The following LIMCH1 variants were observed in gnomAD, a reference collection of about 807,000 sequenced individuals.
The protein encoded by LIMCH1 is LIM and calponin homology domains 1.
A neutral mutation model predicts 176.5 loss-of-function variants in LIMCH1; 113 were observed. The observed-to-expected ratio is 0.64, with a 90% CI of 0.55 to 0.75. The LOEUF (loss-of-function observed/expected upper bound fraction) is 0.75. Ranked by LOEUF, LIMCH1 falls within the 30% of genes least tolerant of loss-of-function variation. The pLI, the probability that LIMCH1 is intolerant of heterozygous loss-of-function variation, is 0.00. For missense variants in LIMCH1, 1,674 were observed against 1,814.9 expected (o/e 0.92, Z 1.41); for synonymous variants, 619 against 645.9 (o/e 0.96, Z 0.63).
At chr4:41,639,031 T>G in intron 14 of LIMCH1, 64 bp downstream of exon 14, 1 of 1,200,518 alleles carries the variant, frequency 8.3e-7, no homozygotes, top group Non-Finnish European at 1.2e-6. Context: ...CTTCCAGTAC[T>G]TACCACTAAT....
intron 1 of LIMCH1, chr4:41,551,523 A>T (rs773388074): frequency 6.6e-6 from 1 of 152,216 alleles, no homozygotes; most frequent in Non-Finnish European, 1.5e-5. Context: ...CTCCAAGGAT[A>T]CAAATACGAG....
At chr4:41,577,378 C>T (rs1235964064) in intron 1 of LIMCH1, among the ~76,000 whole-genome samples, 1 of 152,072 alleles carries the variant, frequency 6.6e-6, no homozygotes, top group Non-Finnish European at 1.5e-5. Context: ...TAAAATTATA[C>T]ATCCTAGTGT....
At chr4:41,646,013 T>C (rs1485829645) in intron 15 of LIMCH1, 110 bp from the exon 16 acceptor site, 8 of 1,105,354 alleles carry the variant, frequency 7.2e-6, no homozygotes, top group African/African-American at 3.1e-5. Context: ...TTATAGTGCC[T>C]GGGCCCATAG....
intron 9 of LIMCH1, among the ~76,000 whole-genome samples, chr4:41,630,310 C>T (rs557054358): frequency 6.6e-6 from 1 of 152,184 alleles, no homozygotes; most frequent in Admixed American, 6.5e-5. Context: ...GTGCGTCTCA[C>T]ATCACAGAGC....
chr4:41,412,674 G>A (rs1300021331), intron 1 of LIMCH1, among the ~76,000 whole-genome samples: 1 of 152,134 alleles, frequency 6.6e-6, no homozygotes, highest in African/African-American at 2.4e-5. Context: ...TTATAGGTGG[G>A]GAAATGAGCA....
intron 1 of LIMCH1, among the ~76,000 whole-genome samples, chr4:41,540,836 T>G (rs1435175130): frequency 1.3e-5 from 2 of 152,238 alleles, no homozygotes; most frequent in Non-Finnish European, 2.9e-5. Flanking sequence ...TGAAACAAAC[T>G]GTCAGTCCTT....
intron 2 of LIMCH1, among the ~76,000 whole-genome samples, chr4:41,522,584 C>T (rs2076228668): frequency 6.6e-6 from 1 of 151,918 alleles, no homozygotes; most frequent in African/African-American, 2.4e-5. Context: ...GCAAAAGTAG[C>T]GAGAAAAAGA....
chr4:41,570,729 A>G (rs903820891), intron 1 of LIMCH1, among the ~76,000 whole-genome samples: 2 of 152,184 alleles, frequency 1.3e-5, no homozygotes, highest in Non-Finnish European at 1.5e-5. Context: ...TTAAAGACAG[A>G]AGGATGAATG....
chr4:41,667,185 A>G (rs1409226612), intron 21 of LIMCH1, among the ~76,000 whole-genome samples: 1 of 152,214 alleles, frequency 6.6e-6, no homozygotes, highest in African/African-American at 2.4e-5. Context: ...AGAAAGTTTA[A>G]TATTATGTAT....
chr4:41,663,173 G>GTGTGTGTGTGTGTGTGT (rs1560284669), intron 20 of LIMCH1, among the ~76,000 whole-genome samples, 189 bp downstream of exon 20: 2 of 148,046 alleles, frequency 1.4e-5, no homozygotes, highest in African/African-American at 2.5e-5. Flanking sequence ...GTGTGTGTGT[G>GTGTGTGTGTGTGTGTGT]ATGGAGTTTT....
chr4:41,390,265 A>AGAGC (rs2057063964), intron 1 of LIMCH1, among the ~76,000 whole-genome samples: 1 of 151,274 alleles, frequency 6.6e-6, no homozygotes, highest in South Asian at 2.1e-4. Flanking sequence ...AGAGAGAGAG[A>AGAGC]GAGAGAGAGC....
At chr4:41,640,345 G>T (rs1417261767) in intron 14 of LIMCH1, among the ~76,000 whole-genome samples, 2 of 152,190 alleles carry the variant, frequency 1.3e-5, no homozygotes, top group Non-Finnish European at 2.9e-5. Flanking sequence ...TCAATGCAAG[G>T]CTGCTATACA....
At position 41,632,783 on chromosome 4, in the gene LIMCH1, AG is replaced by A. The variant is rs983896904; in HGVS notation, c.1639del (p.Ala547ProfsTer84). The A allele has an allele frequency of 6.5e-7, 1 of 1,536,182 alleles. No homozygotes were observed. Among genetic ancestry groups the A allele is most frequent in the African/African-American group, 1.4e-5 (1 of 73,052 alleles). ...MNCGRGDYCR[R>X]ASWLAPVPES... ...TTGTGGCCGAGGTGACTATTGCAGA[AG>A]GGCCTCGTGGCTGGCTCCTGTGCCG... On this transcript the variant is annotated frameshift_variant, in exon 11 of 32. Coordinates refer to ENST00000503057, the MANE Select transcript of LIMCH1 (RefSeq NM_001330672.2). LOFTEE classifies it high-confidence loss of function.
intron 1 of LIMCH1, among the ~76,000 whole-genome samples, chr4:41,462,572 G>T (rs2065524220): frequency 6.6e-6 from 1 of 152,172 alleles, no homozygotes; most frequent in South Asian, 2.1e-4. Flanking sequence ...TTAAAAAAAT[G>T]CTTTGAATCA....
intron 31 of LIMCH1, 58 bp downstream of exon 31, chr4:41,692,442 G>A: frequency 9.3e-7 from 1 of 1,078,636 alleles, no homozygotes; most frequent in Non-Finnish European, 1.4e-6. Flanking sequence ...TCTTCCATAG[G>A]ACCCAATTTA....
At position 41,475,929 on chromosome 4, in the gene LIMCH1, C is replaced by A. The variant is rs376302011; in HGVS notation, c.97-18607C>A. On this transcript the variant is annotated intron_variant, in intron 1 of 26. Coordinates refer to the LIMCH1 transcript ENST00000313860. ...GATTTTTAAAAATACAATCAAGGAC[C>A]TTTTAGAACACAGTGAGTGTTTTAA... Among the ~76,000 whole-genome samples, 303 of 152,182 alleles carry A rather than the reference C, an allele frequency of 2.0e-3. 1 individual carries two copies. The Middle Eastern group carries it at 0.024, about 12-fold the overall frequency.
At chr4:41,534,741 C>T (rs1471805366), upstream of LIMCH1, among the ~76,000 whole-genome samples, 5 of 152,030 alleles carry the variant, frequency 3.3e-5, no homozygotes, top group Non-Finnish European at 7.4e-5. Flanking sequence ...CCCTCCCCCT[C>T]CAAATTATAG....
At chr4:41,486,148 C>G (rs984315842) in intron 1 of LIMCH1, among the ~76,000 whole-genome samples, 1 of 152,190 alleles carries the variant, frequency 6.6e-6, no homozygotes, top group African/African-American at 2.4e-5. Context: ...TTGCATGCAG[C>G]TTTTCCCCTA....
rs143218091 is a variant in LIMCH1 at position 41,619,211 on chromosome 4, G to A, written c.229G>A (p.Asp77Asn). The A allele has an allele frequency of 3.1e-6, 5 of 1,614,000 alleles. No homozygotes were observed. Among genetic ancestry groups the A allele is most frequent in the Admixed American group, 1.7e-5 (1 of 59,996 alleles). Reference sequence around the variant, plus strand: ...AGGGAGAGGAAGCGACTCTGAATCCGACTTGCCTCATCGGAAGCTGCCAGA... The same window carrying A: ...AGGGAGAGGAAGCGACTCTGAATCCAACTTGCCTCATCGGAAGCTGCCAGA... ...SDGRGSDSESDLPHRKLPDVK... is the reference protein window; with the variant it reads ...SDGRGSDSESNLPHRKLPDVK... Residue 77 changes from aspartate (D) to asparagine (N), a missense_variant, in exon 6 of 32, where the codon GAC (aspartate) becomes AAC (asparagine). By Grantham distance (23) the Asp-to-Asn change is conservative. Around this residue, in one of 3 missense-constraint regions of LIMCH1, gnomAD observed 655 missense variants for 692.2 expected, o/e 0.95. Coordinates refer to ENST00000503057, the MANE Select transcript of LIMCH1 (RefSeq NM_001330672.2).
Sources: allele counts gnomAD v4.1 joint callset (sites outside exome capture counted in the v4.1 genomes callset), GRCh38; gene constraint gnomAD v4.1.1; regional missense constraint gnomAD v4.1.1; transcripts MANE v1.5; gene names NCBI Gene and HGNC (gene_info 2026-07-23, HGNC 2026-07-21).